Variants in TEX36 observed in about 807,000 individuals in gnomAD.
TEX36 encodes the protein testis-expressed protein 36.
TEX36 carries 12 observed loss-of-function variants against 13.6 expected under a neutral mutation model. The observed-to-expected ratio is 0.88, with a 90% CI of 0.56 to 1.43. TEX36 has a LOEUF of 1.43. Among genes scored for constraint, TEX36 ranks in the 40% most tolerant of loss-of-function variants. TEX36 has a pLI of 0.00. For synonymous variants in TEX36, 93 were observed against 83.0 expected (o/e 1.12, Z -0.65); for missense variants, 224 against 228.3 (o/e 0.98, Z 0.12).
At chr10:125,615,516 C>A (rs1321410535) in intron 3 of TEX36, among the ~76,000 whole-genome samples, 3 of 151,966 alleles carry the variant, frequency 2.0e-5, no homozygotes, top group African/African-American at 4.8e-5. Context: ...TTATCAAAGG[C>A]CTTTTCTGCA....
At chr10:125,657,825 C>T (rs1450169034) in intron 3 of TEX36, among the ~76,000 whole-genome samples, 1 of 152,150 alleles carries the variant, frequency 6.6e-6, no homozygotes, top group Non-Finnish European at 1.5e-5. Flanking sequence ...TGAGATAAAG[C>T]ATGCTGGAAG....
intron 3 of TEX36, among the ~76,000 whole-genome samples, chr10:125,636,551 A>G (rs1846626327): frequency 6.6e-6 from 1 of 152,162 alleles, no homozygotes; most frequent in South Asian, 2.1e-4. Context: ...CATTACATGA[A>G]TAACCAAATG....
chr10:125,640,203 T>C (rs1846670608), intron 3 of TEX36: 1 of 985,318 alleles, frequency 1.0e-6, no homozygotes, highest in Non-Finnish European at 1.2e-6. Flanking sequence ...CTGAACATTC[T>C]GATGCTAGCT....
chr10:125,619,422 T>C (rs558076931), downstream of TEX36, among the ~76,000 whole-genome samples: 18 of 151,970 alleles, frequency 1.2e-4, no homozygotes, highest in Non-Finnish European at 2.2e-4. Context: ...ACCACCCACA[T>C]TCCCCTCTCC....
At chr10:125,662,905 A>G (rs1269187280) in intron 1 of TEX36, among the ~76,000 whole-genome samples, 1 of 152,182 alleles carries the variant, frequency 6.6e-6, no homozygotes, top group Non-Finnish European at 1.5e-5. Flanking sequence ...AGCTCACCCC[A>G]ATGTTATTTG....
At chr10:125,594,733 G>C (rs1846060754) in intron 3 of TEX36, among the ~76,000 whole-genome samples, 1 of 152,138 alleles carries the variant, frequency 6.6e-6, no homozygotes, top group African/African-American at 2.4e-5. Flanking sequence ...TAGAGGGAAA[G>C]TCACAACATA....
Position 125,656,178 on chromosome 10 carries a change from T to A in TEX36, c.283A>T (p.Ile95Phe), listed in dbSNP as rs1450063559. ...YLDSGLGRKK[I>F]SPDKRQHVSR... ...ACATGTTGCCTCTTATCTGGAGAGA[T>A]CTTCTTACGTCCCAGGCCCTGGAGA... Residue 95 changes from isoleucine to phenylalanine, a missense_variant, in exon 4 of 4, where the codon ATC becomes TTC. By Grantham distance (21) the Ile-to-Phe change is conservative. Transcript: ENST00000368821. The A allele has an allele frequency of 1.3e-6, 2 of 1,516,294 alleles. No homozygotes were observed. The highest frequency in any genetic ancestry group is 1.7e-4 in the Middle Eastern group (1 of 5,842). The allele number at this position is 1,516,294 out of a possible 1,614,324, so 93.9% of individuals were successfully genotyped here. A position where few individuals can be genotyped will look rare whatever the true frequency, so the allele number is the denominator to read the frequency against.
intron 3 of TEX36, among the ~76,000 whole-genome samples, chr10:125,635,883 T>C (rs1487353417): frequency 6.6e-6 from 1 of 151,892 alleles, no homozygotes; most frequent in Non-Finnish European, 1.5e-5. Context: ...ACTTCATTTT[T>C]TGTTTTTTGA....
At chr10:125,604,584 C>T (rs1490752577) in intron 3 of TEX36, among the ~76,000 whole-genome samples, 10 of 152,100 alleles carry the variant, frequency 6.6e-5, no homozygotes, top group Admixed American at 1.3e-4. Flanking sequence ...GAGGCCGAGG[C>T]GGGCAGATCA....
At chr10:125,579,718 T>C (rs1210535980) in intron 3 of TEX36, among the ~76,000 whole-genome samples, 1 of 152,120 alleles carries the variant, frequency 6.6e-6, no homozygotes, top group Non-Finnish European at 1.5e-5. Context: ...TCGTGAGACC[T>C]GGTTGTTTAA....
intron 3 of TEX36, among the ~76,000 whole-genome samples, chr10:125,594,162 C>T (rs556136791): frequency 1.2e-4 from 19 of 152,152 alleles, no homozygotes; most frequent in Non-Finnish European, 2.1e-4. Context: ...CTTACTTTAG[C>T]CCAGAAGAAC....
intron 3 of TEX36, among the ~76,000 whole-genome samples, chr10:125,595,659 A>AG (rs1259550632): frequency 6.6e-6 from 1 of 152,090 alleles, no homozygotes; most frequent in Admixed American, 6.5e-5. Context: ...CTCCTGCCTC[A>AG]GGGCCTTTGC....
intron 3 of TEX36, among the ~76,000 whole-genome samples, chr10:125,628,929 A>C (rs1354912020): frequency 1.3e-5 from 2 of 152,212 alleles, no homozygotes; most frequent in Non-Finnish European, 2.9e-5. Flanking sequence ...CTTTATATCC[A>C]CTACCTTATC....
At chr10:125,621,522 T>C (rs12220188), downstream of TEX36, 22,997 of 434,154 alleles carry the variant, frequency 0.053, 823 homozygotes, top group Admixed American at 0.11. Context: ...TTTCCACTTA[T>C]ATTAGTCAGG....
intron 3 of TEX36, among the ~76,000 whole-genome samples, chr10:125,611,777 G>T (rs1846293134): frequency 6.6e-6 from 1 of 151,784 alleles, no homozygotes; most frequent in South Asian, 2.1e-4. Flanking sequence ...AAAAATATAA[G>T]CCCTACCTCC....
At chr10:125,606,209 A>G (rs1355327333) in intron 3 of TEX36, among the ~76,000 whole-genome samples, 1 of 152,138 alleles carries the variant, frequency 6.6e-6, no homozygotes, top group Non-Finnish European at 1.5e-5. Context: ...TGTAGGATTT[A>G]TTTTTTCCCT....
rs1157558584 is a variant in TEX36 at position 125,640,137 on chromosome 10, T to C, written c.265-18492A>G. Reference sequence around the variant, plus strand: ...TCCGTTCAGAACTGGGATTGTCCCCTGCAGATGTTACAGCCAGATCAGTGC... The same window carrying C: ...TCCGTTCAGAACTGGGATTGTCCCCCGCAGATGTTACAGCCAGATCAGTGC... On this transcript the variant is annotated intron_variant, in intron 3 of 3. Coordinates refer to the TEX36 transcript ENST00000526819. The C allele has an allele frequency of 1.8e-5, 18 of 985,178 alleles. No homozygotes were observed. In the African/African-American group the frequency reaches 2.1e-4, roughly 11 times the overall value. 61.0% of individuals were successfully genotyped at this position (985,178 alleles called of 1,614,324 possible).
At chr10:125,618,599 G>A (rs772891696), downstream of TEX36, among the ~76,000 whole-genome samples, 14 of 152,006 alleles carry the variant, frequency 9.2e-5, no homozygotes, top group Non-Finnish European at 1.6e-4. Context: ...TAGGCTGCTC[G>A]GGGGTCAGGG....
Position 125,673,294 on chromosome 10 carries a change from C to T in TEX36, c.51+9645G>A, listed in dbSNP as rs9422797. Among the ~76,000 whole-genome samples the T allele has an allele frequency of 8.8e-3, 1,341 of 152,302 alleles. 19 individuals are homozygous for T. The highest frequency in any genetic ancestry group is 0.03 in the African/African-American group (1,233 of 41,548). Reference sequence around the variant, plus strand: ...TGAGTGCTTCCTTCAGGAGCTCTTGCAAGGTAGGCCTGGTGGTGGCAAATT... The same window carrying T: ...TGAGTGCTTCCTTCAGGAGCTCTTGTAAGGTAGGCCTGGTGGTGGCAAATT... On this transcript the variant is annotated intron_variant, in intron 1 of 3. Transcript: ENST00000368821.
Sources: allele counts gnomAD v4.1 joint callset (sites outside exome capture counted in the v4.1 genomes callset), GRCh38; gene constraint gnomAD v4.1.1; transcripts MANE v1.5; gene names NCBI Gene and HGNC (gene_info 2026-07-23, HGNC 2026-07-21).